The following RICTOR variants were observed in gnomAD, a reference collection of about 807,000 sequenced individuals.
RICTOR encodes the protein rapamycin-insensitive companion of mTOR.
Under a neutral mutation model 214.9 loss-of-function variants are expected in RICTOR, and 49 were observed. The ratio of observed to expected loss-of-function variants is 0.23; its 90% CI spans 0.18 to 0.29. RICTOR has a LOEUF of 0.29. Ranked by LOEUF, RICTOR falls within the 10% of genes least tolerant of loss-of-function variation. The pLI, the probability that RICTOR is intolerant of heterozygous loss-of-function variation, is 1.00. For missense variants in RICTOR, 1,625 were observed against 2,047.0 expected (o/e 0.79, Z 3.98); for synonymous variants, 717 against 711.3 (o/e 1.01, Z -0.13).
At chr5:39,065,899 T>C (rs1758870548) in intron 2 of RICTOR, among the ~76,000 whole-genome samples, 1 of 152,256 alleles carries the variant, frequency 6.6e-6, no homozygotes. Context: ...TCACAGGTTT[T>C]AGTTGAATGC....
chr5:39,033,610 AT>A (rs1216392871), intron 2 of RICTOR, among the ~76,000 whole-genome samples: 2 of 152,086 alleles, frequency 1.3e-5, no homozygotes, highest in Non-Finnish European at 2.9e-5. Context: ...AGTTATGGCA[AT>A]TTCTGCTGAT....
At chr5:39,069,927 C>T (rs1477126493) in intron 2 of RICTOR, among the ~76,000 whole-genome samples, 1 of 152,202 alleles carries the variant, frequency 6.6e-6, no homozygotes, top group Non-Finnish European at 1.5e-5. Flanking sequence ...TCTCCTCTGG[C>T]TACTATTGGG....
intron 7 of RICTOR, among the ~76,000 whole-genome samples, chr5:38,990,555 A>G (rs1402927375): frequency 6.7e-6 from 1 of 148,216 alleles, no homozygotes; most frequent in Non-Finnish European, 1.5e-5. Context: ...CACGATATAC[A>G]CGATATATAC....
intron 3 of RICTOR, among the ~76,000 whole-genome samples, chr5:39,006,756 GGGAGAGGAGGGGAGAGGAGA>G (rs1194100336): frequency 1.0e-5 from 1 of 98,604 alleles, no homozygotes; most frequent in African/African-American, 4.1e-5. Flanking sequence ...GGGAGAGGAG[GGGAGAGGAGGGGAGAGGAGA>G]GGAGGGGAGG....
chr5:38,944,644 T>C (rs1747972489), intron 35 of RICTOR, 75 bp from the exon 36 acceptor site: 2 of 1,309,638 alleles, frequency 1.5e-6, no homozygotes, highest in Admixed American at 2.3e-5. Flanking sequence ...AAATTTATTT[T>C]TAAACTTCAC....
intron 5 of RICTOR, among the ~76,000 whole-genome samples, chr5:38,997,370 T>C (rs1753255868): frequency 1.3e-5 from 2 of 152,222 alleles, no homozygotes; most frequent in South Asian, 4.1e-4. Context: ...CAAATATTGA[T>C]GTCCAAACAA....
At position 39,018,845 on chromosome 5, in the gene RICTOR, G is replaced by C. The variant is rs373207587; in HGVS notation, c.195+2194C>G. Reference sequence around the variant, plus strand: ...CACTTTAAATCACAAATTAGAGATTGAGCTTAGTGAAGAAAGTCCAGAGAG... The same window carrying C: ...CACTTTAAATCACAAATTAGAGATTCAGCTTAGTGAAGAAAGTCCAGAGAG... On this transcript the variant is annotated intron_variant, in intron 3 of 37. Coordinates refer to ENST00000357387, the MANE Select transcript of RICTOR (RefSeq NM_152756.5). 2.0e-5 allele frequency among the ~76,000 whole-genome samples: 3 copies of C among 152,104 alleles called. No individual in the cohort carries two copies. In the South Asian group the frequency reaches 6.2e-4, roughly 31 times the overall value.
intron 3 of RICTOR, among the ~76,000 whole-genome samples, chr5:39,004,206 T>A (rs1329538094): frequency 2.0e-5 from 3 of 152,218 alleles, no homozygotes; most frequent in African/African-American, 4.8e-5. Flanking sequence ...ACTCTGTTGT[T>A]GCTGTTGACT....
intron 2 of RICTOR, 72 bp from the exon 3 acceptor site, chr5:39,021,208 G>GT (rs1755398520): frequency 1.2e-6 from 1 of 841,032 alleles, no homozygotes; most frequent in African/African-American, 1.7e-5. Flanking sequence ...AAAACATGCA[G>GT]TATTAAAACT....
intron 4 of RICTOR, 132 bp from the exon 5 acceptor site, chr5:39,002,798 A>G: frequency 2.4e-6 from 2 of 826,344 alleles, no homozygotes; most frequent in Non-Finnish European, 3.7e-6. Context: ...AGAGCATTCT[A>G]CATATATAAA....
intron 9 of RICTOR, among the ~76,000 whole-genome samples, chr5:38,976,283 C>T (rs1362583170): frequency 6.8e-6 from 1 of 148,040 alleles, no homozygotes; most frequent in Admixed American, 6.9e-5. Flanking sequence ...TCTACCCTGT[C>T]GATTGTCCCT....
At chr5:39,062,117 A>C (rs1041773290) in intron 2 of RICTOR, among the ~76,000 whole-genome samples, 1 of 152,130 alleles carries the variant, frequency 6.6e-6, no homozygotes, top group Non-Finnish European at 1.5e-5. Flanking sequence ...AACACCGCTG[A>C]AAGTTATAGC....
rs1009836385 is a variant in RICTOR, at chr5:38,972,560, T to C, written c.890-601A>G. The stretch of plus-strand genomic sequence containing the variant: ...TGCAAACTATATTAATAACAAGAAA[T>C]CAAAATATACCTACTAGAATGGCTA... On this transcript the variant is annotated intron_variant, in intron 10 of 37. Coordinates refer to ENST00000357387, the MANE Select transcript of RICTOR (RefSeq NM_152756.5). 2.6e-5 allele frequency among the ~76,000 whole-genome samples: 4 copies of C among 152,060 alleles called. No individual in the cohort carries two copies. In the South Asian group the frequency reaches 8.3e-4, roughly 32 times the overall value.
intron 31 of RICTOR, chr5:38,949,485 G>A (rs1394386664): frequency 4.2e-6 from 6 of 1,433,416 alleles, no homozygotes; most frequent in Non-Finnish European, 3.8e-6. Flanking sequence ...CCTTTGCAAA[G>A]CATGTATGTT....
At chr5:38,998,964 C>T (rs566283759) in intron 5 of RICTOR, among the ~76,000 whole-genome samples, 51 of 140,792 alleles carry the variant, frequency 3.6e-4, no homozygotes, top group Middle Eastern at 7.9e-3. Context: ...TGCAGTGAGC[C>T]GAGATTGCGC....
In RICTOR at chr5:39,015,500, T is replaced by C. The variant is rs112269267; in HGVS notation, c.195+5539A>G. On this transcript the variant is annotated intron_variant, in intron 3 of 37. Transcript: ENST00000357387. ...GTCTCCCAGGGAACATTTGGCAATA[T>C]CTGGAGACATTTCTGCTTGTCACAA... Among the ~76,000 whole-genome samples the C allele has an allele frequency of 5.7e-3, 873 of 152,040 alleles. 8 individuals are homozygous for C. Among genetic ancestry groups the C allele is most frequent in the African/African-American group, 0.02 (836 of 41,466 alleles).
In RICTOR at chr5:38,967,436, G is replaced by T. The variant is rs1271101056; in HGVS notation, c.1061-9C>A. On this transcript the variant is annotated splice_polypyrimidine_tract_variant and intron_variant, in intron 12 of 37. Coordinates refer to ENST00000357387, the MANE Select transcript of RICTOR (RefSeq NM_152756.5). ...TTGGAACCTCCCTGGATCTAAATTAGTTAAAATATGGTAGGGAAAAGATTA... is the reference window on the plus strand; with the variant it reads ...TTGGAACCTCCCTGGATCTAAATTATTTAAAATATGGTAGGGAAAAGATTA... 6.3e-7 allele frequency: 1 copy of T among 1,586,962 alleles called. No individual in the cohort carries two copies. The highest frequency in any genetic ancestry group is 8.6e-7 in the Non-Finnish European group (1 of 1,159,318).
intron 2 of RICTOR, among the ~76,000 whole-genome samples, chr5:39,024,384 C>A (rs1755653513): frequency 6.6e-6 from 1 of 152,098 alleles, no homozygotes; most frequent in Non-Finnish European, 1.5e-5. Flanking sequence ...AAAAGAATTA[C>A]AAGGGGCCAT....
intron 10 of RICTOR, 104 bp downstream of exon 10, chr5:38,975,433 A>C: frequency 1.3e-6 from 1 of 767,812 alleles, no homozygotes; most frequent in Non-Finnish European, 2.2e-6. Flanking sequence ...ACAAAGTAAG[A>C]CTAGATTAGC....
Sources: gnomAD v4.1 joint callset for allele counts (sites outside exome capture counted in the v4.1 genomes callset) on GRCh38, gnomAD v4.1.1 for gene constraint, MANE v1.5 for transcripts, NCBI Gene and HGNC (gene_info 2026-07-23, HGNC 2026-07-21) for gene names.